The following STOM variants were observed in gnomAD, a reference collection of about 807,000 sequenced individuals.
STOM encodes stomatin.
In STOM, 25 loss-of-function variants were observed where a neutral mutation model predicts 30.6. The observed-to-expected ratio is 0.82, with a 90% confidence interval of 0.60 to 1.14. STOM has a LOEUF of 1.14. STOM is among the 50% of genes most tolerant of loss of function. The pLI is 0.00. For missense variants in STOM, 292 were observed against 365.2 expected (o/e 0.80, Z 1.63); for synonymous variants, 118 against 130.8 (o/e 0.90, Z 0.67).
intron 1 of STOM, among the ~76,000 whole-genome samples, chr9:121,365,364 T>C (rs2064492726): frequency 6.6e-6 from 1 of 152,094 alleles, no homozygotes. Flanking sequence ...CCAAAACATT[T>C]ATGTTCAGGA....
intron 1 of STOM, among the ~76,000 whole-genome samples, chr9:121,360,334 TTTA>T (rs1328142047): frequency 6.6e-6 from 1 of 152,194 alleles, no homozygotes; most frequent in African/African-American, 2.4e-5. Flanking sequence ...ATTTTAATCT[TTTA>T]TTATTTTTTA....
At chr9:121,342,808 TTTATAGTTTTTC>T (rs1276678861) in intron 6 of STOM, among the ~76,000 whole-genome samples, 1 of 152,230 alleles carries the variant, frequency 6.6e-6, no homozygotes, top group African/African-American at 2.4e-5. Flanking sequence ...TTTGATGGAC[TTTATAGTTTTTC>T]TAAATTCTGT....
At chr9:121,355,245 AAAAAAT>A (rs2064375491) in intron 2 of STOM, among the ~76,000 whole-genome samples, 1 of 147,072 alleles carries the variant, frequency 6.8e-6, no homozygotes, top group Non-Finnish European at 1.5e-5. Flanking sequence ...AAAAAAAAAA[AAAAAAT>A]AATAATAATA....
chr9:121,343,471 T>C (rs2064263533), intron 6 of STOM, among the ~76,000 whole-genome samples: 1 of 152,200 alleles, frequency 6.6e-6, no homozygotes. Flanking sequence ...GATCATTTCA[T>C]TCTAGTGTGA....
chr9:121,349,931 C>T (rs1303477394), intron 4 of STOM, among the ~76,000 whole-genome samples: 2 of 152,206 alleles, frequency 1.3e-5, no homozygotes, highest in South Asian at 2.1e-4. Context: ...AAAATAGTTA[C>T]ATCCATCACT....
intron 1 of STOM, among the ~76,000 whole-genome samples, chr9:121,368,105 C>G (rs925379094): frequency 5.3e-5 from 8 of 152,036 alleles, no homozygotes; most frequent in African/African-American, 1.9e-4. Context: ...TAAATTCCAG[C>G]AATACCTTTC....
rs2064233459 is a variant in STOM at position 121,340,166 on chromosome 9, C to A, written c.*1036G>T. On this transcript the variant is annotated 3_prime_UTR_variant, in exon 7 of 7. Transcript: ENST00000286713. ...CAGTGAGAAAAAAGCACTTTTGTGA[C>A]AAATATTTAGCTGGTTTGAAAGACA... is the stretch of plus-strand genomic sequence containing the variant. The A allele has an allele frequency of 1.0e-6, 1 of 985,148 alleles. No homozygotes were observed. Among genetic ancestry groups the A allele is most frequent in the Non-Finnish European group, 1.2e-6 (1 of 829,908 alleles). The allele number at this position is 985,148 out of a possible 1,614,324, so 61.0% of individuals were successfully genotyped here.
At position 121,339,721 on chromosome 9, in the gene STOM, G is replaced by A. The variant is rs1471460274; in HGVS notation, c.*1481C>T. 8.1e-7 allele frequency: 1 copy of A among 1,230,598 alleles called. No homozygotes were observed. Among genetic ancestry groups the A allele is most frequent in the Admixed American group, 4.2e-5 (1 of 23,682 alleles). 76.2% of individuals were successfully genotyped at this position (1,230,598 alleles called of 1,614,324 possible). A position where few individuals can be genotyped will look rare whatever the true frequency, so the allele number is the denominator to read the frequency against. On this transcript the variant is annotated 3_prime_UTR_variant, in exon 7 of 7. Coordinates refer to ENST00000286713, the MANE Select transcript of STOM (RefSeq NM_004099.6). The stretch of plus-strand genomic sequence containing the variant: ...CAGATTCACAGACATTTGCAAAACA[G>A]AAGATGTCTCCTAATATTATAGACT...
chr9:121,365,878 T>C (rs564543526), intron 1 of STOM, among the ~76,000 whole-genome samples: 25 of 152,186 alleles, frequency 1.6e-4, no homozygotes, highest in Non-Finnish European at 2.4e-4. Context: ...GAAGAAACTT[T>C]TTATGAAGTG....
intron 1 of STOM, among the ~76,000 whole-genome samples, chr9:121,368,163 T>C (rs1046747836): frequency 2.0e-5 from 3 of 152,154 alleles, no homozygotes; most frequent in African/African-American, 7.2e-5. Context: ...ACACAGACTA[T>C]GCAAAATTTT....
Position 121,352,424 on chromosome 9 carries a change from T to C in STOM, c.321+796A>G, listed in dbSNP as rs114256141. Among the ~76,000 whole-genome samples the C allele has an allele frequency of 8.5e-3, 1,296 of 152,296 alleles. 20 individuals are homozygous for C. Among genetic ancestry groups the C allele is most frequent in the African/African-American group, 0.028 (1,175 of 41,560 alleles). On this transcript the variant is annotated intron_variant, in intron 4 of 6. Transcript: ENST00000286713. Reference sequence around the variant, plus strand: ...AGATTACTTCTATTATCCAATACAATACCTACACATCACTTTATTCATGTG... The same window carrying C: ...AGATTACTTCTATTATCCAATACAACACCTACACATCACTTTATTCATGTG...
At chr9:121,356,260 C>T (rs557978936) in intron 1 of STOM, 104 bp from the exon 2 acceptor site, 11 of 879,014 alleles carry the variant, frequency 1.3e-5, no homozygotes, top group African/African-American at 5.0e-5. Context: ...TGGCACTACA[C>T]CAGCTGTTTT....
intron 1 of STOM, among the ~76,000 whole-genome samples, chr9:121,357,216 G>A (rs1298757182): frequency 6.6e-6 from 1 of 151,914 alleles, no homozygotes; most frequent in African/African-American, 2.4e-5. Context: ...CAGTGTTGTA[G>A]TGAACATCTT....
At chr9:121,361,129 G>T (rs546838455) in intron 1 of STOM, among the ~76,000 whole-genome samples, 1 of 152,262 alleles carries the variant, frequency 6.6e-6, no homozygotes, top group Admixed American at 6.5e-5. Flanking sequence ...AATTCCAGCT[G>T]TGTCTATTTA....
intron 3 of STOM, among the ~76,000 whole-genome samples, chr9:121,354,200 G>A (rs996738864): frequency 3.3e-5 from 5 of 152,162 alleles, no homozygotes; most frequent in African/African-American, 1.2e-4. Flanking sequence ...TGGCCTAGGT[G>A]GTAATCTTAT....
intron 2 of STOM, 62 bp downstream of exon 2, chr9:121,355,991 C>T (rs1373939523): frequency 7.0e-6 from 9 of 1,277,860 alleles, no homozygotes; most frequent in African/African-American, 2.9e-5. Flanking sequence ...CAGGCACACA[C>T]GAAGTAGGTT....
rs2064240329 is a variant in STOM, at chr9:121,340,901, G to A, written c.*301C>T. ...GCCCAGGTTCTTGCCTCTGGCCTGGGTGCTTAGGGGGTTCAGAATGAGTCA... is the reference window on the plus strand; with the variant it reads ...GCCCAGGTTCTTGCCTCTGGCCTGGATGCTTAGGGGGTTCAGAATGAGTCA... On this transcript the variant is annotated 3_prime_UTR_variant, in exon 7 of 7. Coordinates refer to ENST00000286713, the MANE Select transcript of STOM (RefSeq NM_004099.6). The A allele has an allele frequency of 5.0e-6, 6 of 1,206,682 alleles. No homozygotes were observed. Among genetic ancestry groups the A allele is most frequent in the Middle Eastern group, 3.6e-4 (1 of 2,800 alleles). The allele number at this position is 1,206,682 out of a possible 1,614,324, so 74.7% of individuals were successfully genotyped here.
chr9:121,352,354 C>A (rs1257285207), intron 4 of STOM, among the ~76,000 whole-genome samples: 1 of 152,182 alleles, frequency 6.6e-6, no homozygotes, highest in Non-Finnish European at 1.5e-5. Flanking sequence ...ATGGAGCCAA[C>A]CGTATAATCT....
chr9:121,349,270 G>A lies in STOM; in HGVS notation c.375C>T (p.Arg125=), dbSNP rs143433191. ...CCACAGCCAGGGTTGCATTCTGAAC[G>A]CGGTAATAGACCACACCATCCACGC... ...TISVDGVVYY[R]VQNATLAVAN... The change falls in exon 5 of 7, where the codon CGC becomes CGT. Residue 125 remains arginine, a synonymous_variant. Transcript: ENST00000286713. 78 of 1,614,030 alleles carry A rather than the reference G, an allele frequency of 4.8e-5. No homozygotes were observed. Among genetic ancestry groups the A allele is most frequent in the African/African-American group, 1.7e-4 (13 of 74,908 alleles).
Sources: gnomAD v4.1 joint callset for allele counts (sites outside exome capture counted in the v4.1 genomes callset) on GRCh38, gnomAD v4.1.1 for gene constraint, MANE v1.5 for transcripts, NCBI Gene and HGNC (gene_info 2026-07-23, HGNC 2026-07-21) for gene names.